DEPDC5: variants seen among roughly 807,000 people sequenced by gnomAD.
DEPDC5 encodes the protein GATOR1 complex protein DEPDC5.
Under a neutral mutation model 217.3 loss-of-function variants are expected in DEPDC5, and 73 were observed. The observed-to-expected ratio is 0.34, with a 90% confidence interval of 0.28 to 0.41. The LOEUF (loss-of-function observed/expected upper bound fraction) is 0.41, where lower values mean the gene tolerates loss of function less well. DEPDC5 is among the 10% of genes least tolerant of loss of function. DEPDC5 has a pLI of 1.00. For missense variants in DEPDC5, 1,675 were observed against 2,070.1 expected, an observed-to-expected ratio of 0.81 and a Z score of 3.70; for synonymous variants, 733 against 756.7, an observed-to-expected ratio of 0.97 and a Z score of 0.51.
At chr22:31,875,807 A>AT in intron 36 of DEPDC5, 1 of 167,610 alleles carries the variant, frequency 6.0e-6, no homozygotes, top group Non-Finnish European at 1.3e-5. Context: ...TAATTTTTGT[A>AT]TTTTTGGTAG....
At chr22:31,851,608 T>C (rs141188494) in intron 31 of DEPDC5, among the ~76,000 whole-genome samples, 1,547 of 152,200 alleles carry the variant, frequency 0.01, 12 homozygotes, top group South Asian at 0.016. Flanking sequence ...GCCTGGCACA[T>C]AGTAGGTGTG....
intron 25 of DEPDC5, among the ~76,000 whole-genome samples, chr22:31,835,973 T>A (rs2090963445): frequency 6.6e-6 from 1 of 152,242 alleles, no homozygotes; most frequent in African/African-American, 2.4e-5. Context: ...AAAGTGAGTA[T>A]CCCATTCAGA....
Position 31,846,963 on chromosome 22 carries a change from C to G in DEPDC5, c.3151C>G (p.Gln1051Glu). Residue 1051 changes from glutamine to glutamate, a missense_variant, in exon 31 of 43, where the codon CAG becomes GAG. Transcript: ENST00000651528. ...LSALLEMEAS[Q>E]KCLGEQQAAV... ...TGCCCTGTTGGAGATGGAGGCCAGT[C>G]AGAAGTAAGTGCTTGGTGGAAGACT... The G allele has an allele frequency of 6.2e-7, 1 of 1,614,226 alleles. No individual in the cohort carries two copies. Among genetic ancestry groups the G allele is most frequent in the East Asian group, 2.2e-5 (1 of 44,884 alleles).
At chr22:31,896,281 C>T (rs1158835865) in intron 39 of DEPDC5, among the ~76,000 whole-genome samples, 2 of 152,122 alleles carry the variant, frequency 1.3e-5, no homozygotes, top group African/African-American at 4.8e-5. Flanking sequence ...TTTATTGAGA[C>T]AAATACTACA....
At chr22:31,802,637 G>A (rs1475151188) in intron 14 of DEPDC5, 67 bp from the exon 15 acceptor site, 1 of 1,441,346 alleles carries the variant, frequency 6.9e-7, no homozygotes, top group Admixed American at 2.6e-5. Flanking sequence ...GTGTAGAGAT[G>A]CTTGTCTGTG....
intron 21 of DEPDC5, chr22:31,817,117 T>TTTC: frequency 6.7e-6 from 1 of 149,574 alleles, no homozygotes; most frequent in East Asian, 2.0e-4. Flanking sequence ...TCTTTCTTTC[T>TTTC]TTTTTTTTTG....
chr22:31,825,591 T>C (rs1469796052), intron 24 of DEPDC5, among the ~76,000 whole-genome samples: 2 of 152,162 alleles, frequency 1.3e-5, no homozygotes, highest in Non-Finnish European at 2.9e-5. Context: ...TTCCACTCCT[T>C]CTTCTGATTG....
At chr22:31,792,162 C>T (rs2085739672) in intron 11 of DEPDC5, 60 bp downstream of exon 11, 6 of 1,231,954 alleles carry the variant, frequency 4.9e-6, no homozygotes, top group Admixed American at 1.7e-5. Context: ...AACCCCACCC[C>T]AGCCATTTCC....
At chr22:31,819,274 TGGTCCTCAGTGTC>T in intron 22 of DEPDC5, 49 bp downstream of exon 22, 1 of 1,584,376 alleles carries the variant, frequency 6.3e-7, no homozygotes, top group Non-Finnish European at 8.7e-7. Context: ...CTCCTAGCCC[TGGTCCTCAGTGTC>T]GGTCACCCAT....
intron 20 of DEPDC5, among the ~76,000 whole-genome samples, chr22:31,813,125 C>T (rs2088631155): frequency 6.6e-6 from 1 of 152,088 alleles, no homozygotes; most frequent in Non-Finnish European, 1.5e-5. Flanking sequence ...TTAGAGTGAC[C>T]ACATGATTGT....
chr22:31,870,854 C>T, intron 34 of DEPDC5, 110 bp downstream of exon 34: 1 of 1,275,366 alleles, frequency 7.8e-7, no homozygotes, highest in Non-Finnish European at 1.0e-6. Flanking sequence ...GACTCTGCCA[C>T]AAGTCACATG....
At chr22:31,880,278 C>T (rs1402403354) in intron 38 of DEPDC5, 2 of 161,242 alleles carry the variant, frequency 1.2e-5, no homozygotes, top group African/African-American at 4.8e-5. Context: ...TCCTTTCCAC[C>T]ATTCCTGCAG....
intron 22 of DEPDC5, among the ~76,000 whole-genome samples, chr22:31,820,782 C>G (rs906377063): frequency 6.6e-6 from 1 of 152,220 alleles, no homozygotes; most frequent in Admixed American, 6.5e-5. Flanking sequence ...GTTTGCTTCG[C>G]TTCTTCCTCC....
chr22:31,866,881 A>T (rs893708403), intron 33 of DEPDC5, among the ~76,000 whole-genome samples: 1 of 152,250 alleles, frequency 6.6e-6, no homozygotes, highest in Non-Finnish European at 1.5e-5. Flanking sequence ...GATCCACACA[A>T]CATCACTGGC....
In DEPDC5 at chr22:31,837,024, A is replaced by C. The variant is rs1396714133; in HGVS notation, c.2223A>C (p.Gly741=). The C allele has an allele frequency of 1.9e-6, 3 of 1,613,692 alleles. No individual in the cohort carries two copies. The highest frequency in any genetic ancestry group is 2.7e-5 in the African/African-American group (2 of 74,766). Residue 741 remains glycine (G), a synonymous_variant, in exon 26 of 43, where the codon GGA becomes GGC. Transcript: ENST00000651528. ...TGCCAGGCTTCTGTTGCACAGTTGGAGTGGACTGGAAGTCTCTCACTACTC... is the reference window on the plus strand; with the variant it reads ...TGCCAGGCTTCTGTTGCACAGTTGGCGTGGACTGGAAGTCTCTCACTACTC... ...PVVPGFCCTV[G]VDWKSLTTPA... is the part of the protein sequence containing the mutation.
chr22:31,851,341 G>A (rs1253600555), intron 31 of DEPDC5, among the ~76,000 whole-genome samples: 2 of 152,192 alleles, frequency 1.3e-5, no homozygotes, highest in Admixed American at 6.5e-5. Flanking sequence ...GTCATGGGAG[G>A]TGGGATTCAA....
intron 39 of DEPDC5, chr22:31,894,930 T>G (rs1421122572): frequency 1.3e-5 from 2 of 149,682 alleles, no homozygotes; most frequent in East Asian, 3.9e-4. Context: ...TCACCTAAGG[T>G]TGGGGGTTCG....
chr22:31,837,465 C>A (rs1381401114), intron 26 of DEPDC5: 2 of 414,708 alleles, frequency 4.8e-6, no homozygotes, highest in Non-Finnish European at 8.5e-6. Flanking sequence ...GTCTTTCCAC[C>A]TCAGCCTCCT....
chr22:31,878,440 G>A (rs528589401), intron 37 of DEPDC5, among the ~76,000 whole-genome samples: 17 of 151,952 alleles, frequency 1.1e-4, no homozygotes, highest in Non-Finnish European at 2.2e-4. Flanking sequence ...GTGCTGACTC[G>A]TGCCTATAAT....
Sources: allele counts gnomAD v4.1 joint callset (sites outside exome capture counted in the v4.1 genomes callset), GRCh38; gene constraint gnomAD v4.1.1; transcripts MANE v1.5; gene names NCBI Gene and HGNC (gene_info 2026-07-23, HGNC 2026-07-21).